The following CDK14 variants were observed in gnomAD, a reference collection of about 807,000 sequenced individuals.
CDK14 encodes the protein cyclin-dependent kinase 14.
A neutral mutation model predicts 60.7 loss-of-function variants in CDK14; 34 were observed. The ratio of observed to expected loss-of-function variants is 0.56; its 90% confidence interval spans 0.43 to 0.75. CDK14 has a LOEUF of 0.75. Among genes scored for constraint, CDK14 ranks in the 30% least tolerant of loss-of-function variants. The pLI, the probability that CDK14 is intolerant of heterozygous loss-of-function variation, is 0.00. For missense variants in CDK14, 482 were observed against 564.1 expected, an observed-to-expected ratio of 0.85 and a Z score of 1.47; for synonymous variants, 197 against 203.7, an observed-to-expected ratio of 0.97 and a Z score of 0.28.
intron 2 of CDK14, among the ~76,000 whole-genome samples, chr7:90,724,538 A>T: frequency 6.7e-6 from 1 of 148,810 alleles, no homozygotes; most frequent in Non-Finnish European, 1.5e-5. Flanking sequence ...TTGCTTTGAG[A>T]CTTTTCTTCT....
At chr7:91,099,165 C>T (rs1799090084) in intron 12 of CDK14, among the ~76,000 whole-genome samples, 1 of 152,108 alleles carries the variant, frequency 6.6e-6, no homozygotes, top group African/African-American at 2.4e-5. Flanking sequence ...GGCTAGGTAG[C>T]CACCATTTCT....
At chr7:90,925,405 G>A (rs527601198) in intron 8 of CDK14, among the ~76,000 whole-genome samples, 7 of 152,312 alleles carry the variant, frequency 4.6e-5, no homozygotes, top group Non-Finnish European at 8.8e-5. Context: ...CATATCATGC[G>A]AATGGAATAA....
At chr7:90,825,605 A>T (rs889891404) in intron 5 of CDK14, among the ~76,000 whole-genome samples, 2 of 152,162 alleles carry the variant, frequency 1.3e-5, no homozygotes, top group African/African-American at 4.8e-5. Flanking sequence ...CGTGGCAGGG[A>T]TTATTATTAG....
Position 90,964,061 on chromosome 7 carries a change from T to A in CDK14, c.947+8244T>A, listed in dbSNP as rs990780457. On this transcript the variant is annotated intron_variant, in intron 9 of 14. Transcript: ENST00000380050. ...TTAGAAGAATTACATAATTGTTTTA[T>A]GATAATTATCCTTGACTACAAAGAT... Among the ~76,000 whole-genome samples, 6 of 152,310 alleles carry A rather than the reference T, an allele frequency of 3.9e-5. No homozygotes were observed. In the East Asian group the frequency reaches 1.2e-3, roughly 29 times the overall value.
chr7:91,131,696 G>A (rs543250988), intron 14 of CDK14, among the ~76,000 whole-genome samples: 2 of 152,200 alleles, frequency 1.3e-5, no homozygotes, highest in Admixed American at 6.5e-5. Flanking sequence ...ATCTGACAGC[G>A]TGTGGAATAT....
At chr7:91,060,259 C>G (rs1411859062) in intron 11 of CDK14, among the ~76,000 whole-genome samples, 1 of 147,958 alleles carries the variant, frequency 6.8e-6, no homozygotes, top group Non-Finnish European at 1.5e-5. Context: ...CTTGGTAGAT[C>G]TTCCTCTATC....
Position 91,202,185 on chromosome 7 carries a change from C to T in CDK14, c.*29-4980C>T, listed in dbSNP as rs1315116903. On this transcript the variant is annotated intron_variant, in intron 14 of 14. Transcript: ENST00000380050. Reference sequence around the variant, plus strand: ...TCCAAAAAATATCTAGTTCATAGGGCACATGGGTCAGAACAAAGTTGCATT... The same window carrying T: ...TCCAAAAAATATCTAGTTCATAGGGTACATGGGTCAGAACAAAGTTGCATT... Among the ~76,000 whole-genome samples the T allele has an allele frequency of 2.6e-5, 4 of 152,268 alleles. No homozygotes were observed. The East Asian group carries it at 5.8e-4, about 22-fold the overall frequency.
intron 14 of CDK14, among the ~76,000 whole-genome samples, chr7:91,204,717 G>A (rs1802831373): frequency 6.6e-6 from 1 of 152,232 alleles, no homozygotes; most frequent in Non-Finnish European, 1.5e-5. Flanking sequence ...GGGAGGCCAA[G>A]GCAGGCAGAT....
rs1802897349 is a variant in CDK14 at position 91,206,336 on chromosome 7, A to G, written c.*29-829A>G. Among the ~76,000 whole-genome samples, 3 of 152,188 alleles carry G rather than the reference A, an allele frequency of 2.0e-5. No individual in the cohort carries two copies. In the South Asian group the frequency reaches 6.2e-4, roughly 32 times the overall value. On this transcript the variant is annotated intron_variant, in intron 14 of 14. Transcript: ENST00000380050. ...CTGTAGCTGGAGACATGAAGGCCTC[A>G]CCAGGCCTTAGTGACCAGCAGCTTC...
intron 10 of CDK14, among the ~76,000 whole-genome samples, chr7:91,042,772 G>C (rs1472807806): frequency 1.3e-5 from 2 of 152,120 alleles, no homozygotes; most frequent in Non-Finnish European, 2.9e-5. Flanking sequence ...GATAATTTTT[G>C]ACTTTTAGAA....
chr7:90,974,384 T>A (rs1795011076), intron 9 of CDK14, among the ~76,000 whole-genome samples: 1 of 152,148 alleles, frequency 6.6e-6, no homozygotes, highest in Admixed American at 6.6e-5. Flanking sequence ...TTATGAAGAT[T>A]ACAGGATTAA....
intron 5 of CDK14, among the ~76,000 whole-genome samples, chr7:90,856,339 G>A (rs927530432): frequency 2.6e-5 from 4 of 152,230 alleles, no homozygotes; most frequent in Admixed American, 2.6e-4. Context: ...CAAATATGGG[G>A]TCCAACATTT....
intron 6 of CDK14, among the ~76,000 whole-genome samples, chr7:90,890,637 C>T (rs1374939636): frequency 1.3e-5 from 2 of 152,136 alleles, no homozygotes; most frequent in Non-Finnish European, 2.9e-5. Context: ...GGGAAAAGTG[C>T]AATTTCAAAG....
chr7:91,152,723 G>A (rs1800859731), intron 14 of CDK14, among the ~76,000 whole-genome samples: 1 of 152,200 alleles, frequency 6.6e-6, no homozygotes. Context: ...GATATAGGTA[G>A]GAAGTGCTGT....
rs574923314 is a variant in CDK14 at position 90,840,243 on chromosome 7, G to A, written c.545-22932G>A. 7.7e-4 allele frequency among the ~76,000 whole-genome samples: 117 copies of A among 152,260 alleles called. 1 individual carries two copies. The highest frequency in any genetic ancestry group is 2.5e-3 in the African/African-American group (102 of 41,558). On this transcript the variant is annotated intron_variant, in intron 5 of 14. Coordinates refer to ENST00000380050, the MANE Select transcript of CDK14 (RefSeq NM_001287135.2). ...ATTTTAAAGGAGTGAAAAAGACTGC[G>A]GTGTGTGCAGTTTTCTGTGTTGGAG...
intron 5 of CDK14, among the ~76,000 whole-genome samples, chr7:90,862,832 A>T (rs1051020833): frequency 1.3e-5 from 2 of 152,182 alleles, no homozygotes; most frequent in African/African-American, 4.8e-5. Flanking sequence ...CTAACTAGAG[A>T]TTAATAACAG....
chr7:90,982,289 G>T (rs1795249807), intron 9 of CDK14, among the ~76,000 whole-genome samples: 1 of 152,182 alleles, frequency 6.6e-6, no homozygotes, highest in Admixed American at 6.5e-5. Flanking sequence ...GGTTGAGTTG[G>T]AATTTGCTAT....
At chr7:90,613,692 T>TAA (rs999324328) in intron 2 of CDK14, among the ~76,000 whole-genome samples, 1 of 147,294 alleles carries the variant, frequency 6.8e-6, no homozygotes, top group African/African-American at 2.5e-5. Flanking sequence ...GTCTCAAAAA[T>TAA]AAAAAAAAAA....
rs1447139171 is a variant in CDK14, at chr7:90,765,692, A to G, written c.464+17917A>G. 2.6e-5 allele frequency among the ~76,000 whole-genome samples: 4 copies of G among 151,946 alleles called. No homozygotes were observed. In the East Asian group the frequency reaches 7.8e-4, roughly 29 times the overall value. ...GAGAGAATGGGGGATGAAAAAATGT[A>G]GGGTAAAATACATATAAGCTACTCT... On this transcript the variant is annotated intron_variant, in intron 4 of 14. Coordinates refer to ENST00000380050, the MANE Select transcript of CDK14 (RefSeq NM_001287135.2).
Sources: allele counts gnomAD v4.1 joint callset (sites outside exome capture counted in the v4.1 genomes callset), GRCh38; gene constraint gnomAD v4.1.1; transcripts MANE v1.5; gene names NCBI Gene and HGNC (gene_info 2026-07-23, HGNC 2026-07-21).